Variants in EIF4E3 observed in about 807,000 individuals in gnomAD.
EIF4E3 encodes the protein eukaryotic translation initiation factor 4E family member 3.
EIF4E3 carries 26 observed loss-of-function variants against 31.7 expected under a neutral mutation model. The observed-to-expected ratio is 0.82, with a 90% CI of 0.60 to 1.14. EIF4E3 has a LOEUF of 1.14. EIF4E3 is among the 50% of genes most tolerant of loss of function. The pLI is 0.00. For synonymous variants in EIF4E3, 128 were observed against 107.7 expected (o/e 1.19, Z -1.17); for missense variants, 304 against 270.9 (o/e 1.12, Z -0.86).
At chr3:71,734,353 G>A (rs570613944) in intron 1 of EIF4E3, among the ~76,000 whole-genome samples, 5 of 146,638 alleles carry the variant, frequency 3.4e-5, no homozygotes, top group East Asian at 2.2e-4. Flanking sequence ...AGTCACTTTC[G>A]TCCTTTCAAA....
rs2049413432 is a variant in EIF4E3 at position 71,713,488 on chromosome 3, G to A, written c.177-3004C>T. Among the ~76,000 whole-genome samples the A allele has an allele frequency of 1.3e-5, 2 of 151,052 alleles. 1 individual carries two copies. The highest frequency in any genetic ancestry group is 4.1e-4 in the South Asian group (2 of 4,822). ...GTCTCACTCTGTTGCCCAGGCTGGA[G>A]TGCAGTGGCATAATCATAGCTCACT... On this transcript the variant is annotated intron_variant, in intron 1 of 6. Transcript: ENST00000425534.
intron 1 of EIF4E3, among the ~76,000 whole-genome samples, chr3:71,751,158 G>A (rs2049925408): frequency 6.6e-6 from 1 of 152,102 alleles, no homozygotes; most frequent in Admixed American, 6.5e-5. Context: ...GCCTGAGCCT[G>A]GGAGGTTGAG....
chr3:71,691,504 A>C (rs1224553302), intron 5 of EIF4E3, among the ~76,000 whole-genome samples: 1 of 152,194 alleles, frequency 6.6e-6, no homozygotes, highest in Non-Finnish European at 1.5e-5. Context: ...TAAATACTCA[A>C]AACCAGGGAA....
At chr3:71,698,112 G>A (rs1286967540) in intron 3 of EIF4E3, among the ~76,000 whole-genome samples, 2 of 152,152 alleles carry the variant, frequency 1.3e-5, no homozygotes, top group African/African-American at 2.4e-5. Flanking sequence ...CCATTTTAAC[G>A]GGGGTAAGAT....
At chr3:71,750,886 C>T (rs1448008992) in intron 1 of EIF4E3, among the ~76,000 whole-genome samples, 9 of 151,778 alleles carry the variant, frequency 5.9e-5, no homozygotes, top group Non-Finnish European at 1.2e-4. Context: ...GCCTCAGCCT[C>T]CTGAGTAGCT....
intron 1 of EIF4E3, among the ~76,000 whole-genome samples, chr3:71,735,961 A>G (rs1289405515): frequency 6.6e-6 from 1 of 152,238 alleles, no homozygotes. Context: ...TTCAACAATA[A>G]GAAAATGAAC....
At chr3:71,748,828 CCT>C (rs1015363278) in intron 1 of EIF4E3, among the ~76,000 whole-genome samples, 11 of 152,124 alleles carry the variant, frequency 7.2e-5, no homozygotes, top group African/African-American at 2.7e-4. Context: ...ACTAAGGCTA[CCT>C]CTTTTTTTCC....
intron 5 of EIF4E3, among the ~76,000 whole-genome samples, 157 bp from the exon 6 acceptor site, chr3:71,690,322 A>C (rs2049048275): frequency 6.6e-6 from 1 of 152,250 alleles, no homozygotes; most frequent in East Asian, 1.9e-4. Context: ...TCTATGGGGA[A>C]TCACTGGAGG....
At chr3:71,671,196 C>G (rs533078394), downstream of EIF4E3, among the ~76,000 whole-genome samples, 1 of 152,242 alleles carries the variant, frequency 6.6e-6, no homozygotes, top group East Asian at 1.9e-4. Context: ...TAAAAGAAAA[C>G]TCAAGTGCCC....
At chr3:71,670,599 T>C (rs1190986964), downstream of EIF4E3, among the ~76,000 whole-genome samples, 2 of 152,192 alleles carry the variant, frequency 1.3e-5, no homozygotes, top group Admixed American at 6.5e-5. Flanking sequence ...TAAGCAGGTA[T>C]TACTTTTGTC....
At chr3:71,702,854 T>C (rs2049237651) in intron 2 of EIF4E3, among the ~76,000 whole-genome samples, 1 of 152,166 alleles carries the variant, frequency 6.6e-6, no homozygotes, top group Non-Finnish European at 1.5e-5. Context: ...CTAGCATTAC[T>C]CAGCTCCTGA....
At chr3:71,692,471 G>A (rs1202221860) in intron 5 of EIF4E3, among the ~76,000 whole-genome samples, 1 of 152,048 alleles carries the variant, frequency 6.6e-6, no homozygotes, top group Non-Finnish European at 1.5e-5. Flanking sequence ...TCCTCTCCCA[G>A]GGATTTATGT....
At chr3:71,754,495 C>G (rs1478444504), upstream of EIF4E3, 1 of 1,287,204 alleles carries the variant, frequency 7.8e-7, no homozygotes, top group Non-Finnish European at 9.8e-7. This position sits in a 1 kb window ranked among gnomAD's most constrained non-coding sequence, Gnocchi z 5.8. Flanking sequence ...GCCGCCTGGG[C>G]GCTGGCGCTG....
At chr3:71,754,629 G>T, upstream of EIF4E3, 3 of 1,471,226 alleles carry the variant, frequency 2.0e-6, no homozygotes, top group Admixed American at 2.2e-5. The surrounding 1 kb of genome is among the most constrained non-coding windows in gnomAD (Gnocchi z 5.8). Flanking sequence ...GGCCGTGGTG[G>T]TGGGCGCCAC....
downstream of EIF4E3, among the ~76,000 whole-genome samples, chr3:71,671,640 C>A (rs2048848173): frequency 1.3e-5 from 2 of 152,174 alleles, no homozygotes; most frequent in Admixed American, 1.3e-4. Context: ...TCCCTCGCCT[C>A]ATTCCCTACT....
chr3:71,695,861 A>G (rs17008934), intron 4 of EIF4E3, among the ~76,000 whole-genome samples: 8,948 of 152,258 alleles, frequency 0.059, 364 homozygotes, highest in African/African-American at 0.11. Context: ...TTTCCAGTCA[A>G]TAAGATGAAT....
chr3:71,714,261 GGAAGGAAGGAAA>G (rs1399460668), intron 1 of EIF4E3, among the ~76,000 whole-genome samples: 2,038 of 116,424 alleles, frequency 0.018, 46 homozygotes, highest in African/African-American at 0.061. Context: ...AAGGAAGGAA[GGAAGGAAGGAAA>G]GAAGGAAGGA....
intron 1 of EIF4E3, among the ~76,000 whole-genome samples, chr3:71,730,449 C>T (rs2049693519): frequency 6.6e-6 from 1 of 152,218 alleles, no homozygotes; most frequent in African/African-American, 2.4e-5. Flanking sequence ...TGTTATTTAT[C>T]TAGATTCCAA....
the EIF4E3 span, among the ~76,000 whole-genome samples, chr3:71,668,985 G>C: frequency 2.0e-5 from 3 of 152,128 alleles, no homozygotes; most frequent in East Asian, 5.8e-4. Flanking sequence ...GCAAAAACTT[G>C]GTACCAACCC....
Sources: allele counts gnomAD v4.1 joint callset (sites outside exome capture counted in the v4.1 genomes callset), GRCh38; gene constraint gnomAD v4.1.1; non-coding constraint Gnocchi (gnomAD v3.1); transcripts MANE v1.5; gene names NCBI Gene and HGNC (gene_info 2026-07-23, HGNC 2026-07-21).